The following BTN2A1 variants were observed in gnomAD, a reference collection of about 807,000 sequenced individuals.
BTN2A1 encodes the protein butyrophilin subfamily 2 member A1, also known as butyrophilin, subfamily 2, member A1.
Under a neutral mutation model 34.5 loss-of-function variants are expected in BTN2A1, and 41 were observed. That is an observed-to-expected ratio of 1.19 (90% CI 0.93 to 1.54). The LOEUF is 1.54. BTN2A1 is among the 40% of genes most tolerant of loss of function. The pLI is 0.00. For missense variants in BTN2A1, 642 were observed against 662.0 expected, an observed-to-expected ratio of 0.97 and a Z score of 0.33; for synonymous variants, 267 against 258.6, an observed-to-expected ratio of 1.03 and a Z score of -0.31.
At chr6:26,471,357 A>G (rs1448576720), downstream of BTN2A1, among the ~76,000 whole-genome samples, 2 of 152,228 alleles carry the variant, frequency 1.3e-5, no homozygotes, top group Non-Finnish European at 2.9e-5. Context: ...AAGAGCCTGC[A>G]TCCTTGTTCA....
Position 26,468,063 on chromosome 6 carries a change from AG to A in BTN2A1, c.1099del (p.Glu367ArgfsTer10). The A allele has an allele frequency of 6.2e-7, 1 of 1,614,180 alleles. No individual in the cohort carries two copies. Among genetic ancestry groups the A allele is most frequent in the Non-Finnish European group, 8.5e-7 (1 of 1,180,020 alleles). ...HLGESVPDNPERFDSQPCVLG... is the reference protein window; with the variant it reads ...HLGESVPDNPXRFDSQPCVLG... ...TAGGGGAGAGCGTGCCTGACAACCC[AG>A]AGAGATTCGACAGTCAGCCTTGTGT... is the stretch of plus-strand genomic sequence containing the variant. On this transcript the variant is annotated frameshift_variant, in exon 8 of 8. Transcript: ENST00000312541. LOFTEE classifies it low-confidence loss of function (END_TRUNC).
downstream of BTN2A1, among the ~76,000 whole-genome samples, chr6:26,472,427 A>G (rs7763910): frequency 0.49 from 74,595 of 152,072 alleles, 21,237 homozygotes; most frequent in East Asian, 0.71. Context: ...TCTACCACAG[A>G]GCCTAAATTC....
chr6:26,473,871 TCA>T (rs1357291030), downstream of BTN2A1, among the ~76,000 whole-genome samples: 16 of 152,074 alleles, frequency 1.1e-4, no homozygotes, highest in Non-Finnish European at 2.2e-4. Context: ...CAATATCGTT[TCA>T]GTTTTCATTC....
chr6:26,468,816 G>C lies in BTN2A1; in HGVS notation c.*267G>C, dbSNP rs1763397831. ...TTGTTACACAGCTCCCAGCCAAGAA[G>C]AAAGTGTGAGAAGTTGATGGGCAGC... On this transcript the variant is annotated 3_prime_UTR_variant, in exon 8 of 8. Transcript: ENST00000312541. 5 of 1,560,276 alleles carry C rather than the reference G, an allele frequency of 3.2e-6. No individual in the cohort carries two copies. The highest frequency in any genetic ancestry group is 4.4e-6 in the Non-Finnish European group (5 of 1,148,902).
At chr6:26,458,985 T>C (rs920405792) in intron 2 of BTN2A1, among the ~76,000 whole-genome samples, 1 of 152,250 alleles carries the variant, frequency 6.6e-6, no homozygotes, top group Non-Finnish European at 1.5e-5. Flanking sequence ...ATTTGTATAC[T>C]ATATTTTGTT....
At chr6:26,467,615 G>T in intron 7 of BTN2A1, 1 of 1,285,340 alleles carries the variant, frequency 7.8e-7, no homozygotes, top group Non-Finnish European at 1.1e-6. Flanking sequence ...CCTGGCCAGA[G>T]ATCATATGTC....
rs114011167 is a variant in BTN2A1 at position 26,468,868 on chromosome 6, C to T, written c.*319C>T. The T allele has an allele frequency of 8.6e-3, 12,245 of 1,430,538 alleles. 291 individuals carry two copies. The highest frequency in any genetic ancestry group is 0.059 in the African/African-American group (4,223 of 71,072). 88.6% of individuals were successfully genotyped at this position (1,430,538 alleles called of 1,614,324 possible). A position where few individuals can be genotyped will look rare whatever the true frequency, so the allele number is the denominator to read the frequency against. On this transcript the variant is annotated 3_prime_UTR_variant, in exon 8 of 8. Transcript: ENST00000312541. ...AACCTGCTGTTTAACATCAGGGTGACCACATTAAGCCCAGTATTCCAGTTG... is the reference window on the plus strand; with the variant it reads ...AACCTGCTGTTTAACATCAGGGTGATCACATTAAGCCCAGTATTCCAGTTG...
chr6:26,475,850 A>G (rs1013513953), intron 7 of BTN2A1, among the ~76,000 whole-genome samples: 1 of 152,174 alleles, frequency 6.6e-6, no homozygotes, highest in Non-Finnish European at 1.5e-5. Flanking sequence ...TTGAAGTGAG[A>G]GAAGGATAAT....
At position 26,468,054 on chromosome 6, in the gene BTN2A1, T is replaced by C. The variant is rs757952623; in HGVS notation, c.1089T>C (p.Pro363=). ...CPFRHLGESV[P]DNPERFDSQP... ...TCAGGCACCTAGGGGAGAGCGTGCC[T>C]GACAACCCAGAGAGATTCGACAGTC... The change falls in exon 8 of 8, where the codon CCT becomes CCC. Residue 363 remains proline, a synonymous_variant. Transcript: ENST00000312541. 3.7e-6 allele frequency: 6 copies of C among 1,614,072 alleles called. No homozygotes were observed. In the South Asian group the frequency reaches 6.6e-5, roughly 18 times the overall value.
chr6:26,470,343 G>C (rs1039204628), downstream of BTN2A1, among the ~76,000 whole-genome samples: 1 of 151,932 alleles, frequency 6.6e-6, no homozygotes, highest in African/African-American at 2.4e-5. Context: ...TGAAACTCCC[G>C]TCTCAAACAA....
chr6:26,468,453 C>T lies in BTN2A1; in HGVS notation c.1488C>T (p.Pro496=), dbSNP rs764420470. The change falls in exon 8 of 8, where the codon CCC becomes CCT. Residue 496 remains proline, a synonymous_variant. Transcript: ENST00000312541. ...TCAGGTTGGGGTGTGAGGACAGCCCCATCTTCATCTGCCCTGCACTCACAG... is the reference window on the plus strand; with the variant it reads ...TCAGGTTGGGGTGTGAGGACAGCCCTATCTTCATCTGCCCTGCACTCACAG... The part of the protein sequence containing the change: ...PFFRLGCEDS[P]IFICPALTGA... 1.3e-5 allele frequency: 21 copies of T among 1,614,008 alleles called. No individual in the cohort carries two copies. Among genetic ancestry groups the T allele is most frequent in the Non-Finnish European group, 1.8e-5 (21 of 1,180,022 alleles).
At position 26,465,339 on chromosome 6, in the gene BTN2A1, A is replaced by T. The variant is rs1763282556; in HGVS notation, c.867A>T (p.Thr289=). Reference sequence around the variant, plus strand: ...GGGAAAAGGAGTTTGAACGGGAAACAAGAGAAATTGCTCTAAAGGAACTGG... The same window carrying T: ...GGGAAAAGGAGTTTGAACGGGAAACTAGAGAAATTGCTCTAAAGGAACTGG... ...LSGEKEFERE[T]REIALKELEK... Residue 289 remains threonine, a synonymous_variant, in exon 5 of 8, where the codon ACA becomes ACT. Coordinates refer to ENST00000312541, the MANE Select transcript of BTN2A1 (RefSeq NM_007049.5). The T allele has an allele frequency of 1.2e-6, 2 of 1,613,704 alleles. No individual in the cohort carries two copies. Among genetic ancestry groups the T allele is most frequent in the South Asian group, 2.2e-5 (2 of 91,090 alleles).
At position 26,459,760 on chromosome 6, in the gene BTN2A1, G is replaced by T. The variant is rs776205423; in HGVS notation, c.362G>T (p.Gly121Val). The T allele has an allele frequency of 1.2e-6, 2 of 1,614,158 alleles. No individual in the cohort carries two copies. Among genetic ancestry groups the T allele is most frequent in the Non-Finnish European group, 1.7e-6 (2 of 1,180,012 alleles). The change falls in exon 3 of 8, where the codon GGC becomes GTC. Residue 121 changes from glycine (G) to valine (V), a missense_variant. By Grantham distance (109) the Gly-to-Val change is moderately radical (BLOSUM62 -3). Coordinates refer to ENST00000312541, the MANE Select transcript of BTN2A1 (RefSeq NM_007049.5). ...CACAACATCACAGCCCAGGAAAACG[G>T]CACCTACCGCTGTTACTTCCAAGAA... is the stretch of plus-strand genomic sequence containing the variant. Reference protein sequence around the residue: ...VIHNITAQENGTYRCYFQEGR... With the variant: ...VIHNITAQENVTYRCYFQEGR...
rs188964627 is a variant in BTN2A1 at position 26,466,105 on chromosome 6, T to C, written c.982+17T>C. ...TACATGCTGGTGAGTGCCTCTGATG[T>C]TCCCTCAGATCTCAGCTTTCTCCAC... On this transcript the variant is annotated intron_variant, in intron 7 of 7. Transcript: ENST00000312541. 1.2e-4 allele frequency: 198 copies of C among 1,613,184 alleles called. 1 individual carries two copies. The highest frequency in any genetic ancestry group is 1.6e-4 in the East Asian group (7 of 44,882).
chr6:26,463,409 G>T lies in BTN2A1; in HGVS notation c.596G>T (p.Gly199Val). 1.2e-6 allele frequency: 2 copies of T among 1,614,136 alleles called. No homozygotes were observed. The highest frequency in any genetic ancestry group is 1.7e-6 in the Non-Finnish European group (2 of 1,180,024). ...LKEVSMPDAD[G>V]LFMVTTAVII... is the part of the protein sequence containing the mutation. ...GAGGTCTCCATGCCTGATGCAGACGGCCTCTTCATGGTCACCACGGCTGTG... is the reference window on the plus strand; with the variant it reads ...GAGGTCTCCATGCCTGATGCAGACGTCCTCTTCATGGTCACCACGGCTGTG... Residue 199 changes from glycine to valine, a missense_variant, in exon 4 of 8, where the codon GGC becomes GTC. By Grantham distance (109) the Gly-to-Val change is moderately radical (BLOSUM62 -3). Transcript: ENST00000312541.
In BTN2A1 at chr6:26,458,601, C is replaced by T; in HGVS notation, c.-30-6C>T. 6.2e-7 allele frequency: 1 copy of T among 1,611,350 alleles called. No homozygotes were observed. The highest frequency in any genetic ancestry group is 1.3e-5 in the African/African-American group (1 of 74,928). On this transcript the variant is annotated splice_polypyrimidine_tract_variant and splice_region_variant and intron_variant, in intron 1 of 7. Coordinates refer to ENST00000312541, the MANE Select transcript of BTN2A1 (RefSeq NM_007049.5). ...CTCCTAGGCTGATTCTCCTCTGTAA[C>T]CCTAGGCCTCCTGTCCCTGCCTGCT...
downstream of BTN2A1, among the ~76,000 whole-genome samples, chr6:26,471,397 A>G (rs1167308602): frequency 6.6e-6 from 1 of 152,232 alleles, no homozygotes; most frequent in Non-Finnish European, 1.5e-5. Flanking sequence ...TCATATGGCA[A>G]AGGAGAAAAG....
At chr6:26,476,471 G>A in exon 8 of BTN2A1, 1 of 559,476 alleles carries the variant, frequency 1.8e-6, no homozygotes, top group South Asian at 1.6e-5. Flanking sequence ...CTCTCTCTCT[G>A]GCCTGCAGAG....
downstream of BTN2A1, among the ~76,000 whole-genome samples, chr6:26,473,451 A>C (rs1416250418): frequency 6.6e-6 from 1 of 152,256 alleles, no homozygotes; most frequent in Non-Finnish European, 1.5e-5. Flanking sequence ...TGGATACCAG[A>C]AAATTCTATA....
Sources: allele counts gnomAD v4.1 joint callset (sites outside exome capture counted in the v4.1 genomes callset), GRCh38; gene constraint gnomAD v4.1.1; transcripts MANE v1.5; gene names NCBI Gene and HGNC (gene_info 2026-07-23, HGNC 2026-07-21).